The following CYBB variants were observed in gnomAD, a reference collection of about 807,000 sequenced individuals.
The protein encoded by CYBB is cytochrome b-245 beta chain.
A neutral mutation model predicts 46.5 loss-of-function variants in CYBB; 5 were observed. That is an observed-to-expected ratio of 0.11 (90% CI 0.06 to 0.23). The LOEUF (loss-of-function observed/expected upper bound fraction) is 0.23. CYBB is among the 10% of genes least tolerant of loss of function. The pLI is 1.00. For missense variants in CYBB, 307 were observed against 428.3 expected, an observed-to-expected ratio of 0.72 and a Z score of 2.50; for synonymous variants, 183 against 156.7, an observed-to-expected ratio of 1.17 and a Z score of -1.26.
rs1286933113 is a variant in CYBB at position 37,812,303 on chromosome X, T to G, written c.*1386T>G. The G allele has an allele frequency of 9.0e-6, 1 of 111,695 alleles. No individual in the cohort carries two copies. The highest frequency in any genetic ancestry group is 1.9e-5 in the Non-Finnish European group (1 of 53,087). The allele number at this position is 111,695 out of a possible 1,213,427, so 9.2% of individuals were successfully genotyped here. A position where few individuals can be genotyped will look rare whatever the true frequency, so the allele number is the denominator to read the frequency against. On this transcript the variant is annotated 3_prime_UTR_variant, in exon 13 of 13. Coordinates refer to ENST00000378588, the MANE Select transcript of CYBB (RefSeq NM_000397.4). ...TTCTGGGAACTAAAACCAGTTTTATTTGCCCCACCCCTTGGAGCCACAAAT... is the reference window on the plus strand; with the variant it reads ...TTCTGGGAACTAAAACCAGTTTTATGTGCCCCACCCCTTGGAGCCACAAAT...
At chrX:37,788,693 A>G (rs1043384635) in intron 3 of CYBB, among the ~76,000 whole-genome samples, 1 of 111,275 alleles carries the variant, frequency 9.0e-6, no homozygotes, top group Non-Finnish European at 1.9e-5. Context: ...GGGACCCAAC[A>G]TAGGTATATC....
intron 10 of CYBB, among the ~76,000 whole-genome samples, chrX:37,805,597 A>T (rs782458636): frequency 1.5e-4 from 17 of 111,947 alleles, no homozygotes; most frequent in Non-Finnish European, 3.0e-4. Flanking sequence ...CACAGGCTTT[A>T]TAATGATGAC....
At chrX:37,793,221 G>A (rs782229572) in intron 4 of CYBB, among the ~76,000 whole-genome samples, 1 of 108,143 alleles carries the variant, frequency 9.2e-6, no homozygotes, top group Non-Finnish European at 1.9e-5. Context: ...TCTCTCTGGA[G>A]GTAATTTCAG....
chrX:37,790,062 G>A (rs1929163044), intron 3 of CYBB, among the ~76,000 whole-genome samples: 1 of 111,848 alleles, frequency 8.9e-6, no homozygotes, highest in Admixed American at 9.5e-5. Context: ...GCAGTTGGTG[G>A]TTGAACACCC....
At chrX:37,796,177 T>A in intron 6 of CYBB, 36 bp downstream of exon 6, 1 of 1,119,566 alleles carries the variant, frequency 8.9e-7, no homozygotes, top group Non-Finnish European at 1.2e-6. Context: ...GGATTTCATG[T>A]CCCTCAATTT....
rs1929663728 is a variant in CYBB, at chrX:37,811,024, T to G, written c.*107T>G. The G allele has an allele frequency of 8.1e-6, 6 of 739,862 alleles. No individual in the cohort carries two copies. The highest frequency in any genetic ancestry group is 1.2e-5 in the Non-Finnish European group (6 of 499,914). 61.0% of individuals were successfully genotyped at this position (739,862 alleles called of 1,213,427 possible). On this transcript the variant is annotated 3_prime_UTR_variant, in exon 13 of 13. Coordinates refer to ENST00000378588, the MANE Select transcript of CYBB (RefSeq NM_000397.4). ...TGCTTAAAAATGGACAAAAAGAAAC[T>G]ATAATGTAATGGTTTTCCCTTAAAG... is the stretch of plus-strand genomic sequence containing the variant.
intron 6 of CYBB, among the ~76,000 whole-genome samples, chrX:37,798,641 C>T (rs1339422970): frequency 8.9e-6 from 1 of 112,093 alleles, no homozygotes; most frequent in Non-Finnish European, 1.9e-5. Context: ...AATTTTTCTG[C>T]TTTTGTTTGT....
At chrX:37,805,620 C>G (rs1309126339) in intron 10 of CYBB, among the ~76,000 whole-genome samples, 1 of 111,285 alleles carries the variant, frequency 9.0e-6, no homozygotes, top group Non-Finnish European at 1.9e-5. Context: ...TAAATGATCT[C>G]TTCATGTTCT....
Position 37,811,134 on chromosome X carries a change from A to AT in CYBB, c.*224dup, listed in dbSNP as rs1343090865. 8.9e-6 allele frequency: 3 copies of AT among 338,119 alleles called. No homozygotes were observed. The highest frequency in any genetic ancestry group is 6.0e-5 in the East Asian group (1 of 16,689). The allele number at this position is 338,119 out of a possible 1,213,427, so 27.9% of individuals were successfully genotyped here. On this transcript the variant is annotated 3_prime_UTR_variant, in exon 13 of 13. Transcript: ENST00000378588. ...AGAGCACTTTTACAAACATTATTTCATTTTTTTCCTCTCAGTAATGTCAGT... is the reference window on the plus strand; with the variant it reads ...AGAGCACTTTTACAAACATTATTTCATTTTTTTTCCTCTCAGTAATGTCAGT...
chrX:37,808,583 T>G (rs1929608635), intron 11 of CYBB, among the ~76,000 whole-genome samples: 1 of 112,386 alleles, frequency 8.9e-6, no homozygotes, highest in African/African-American at 3.2e-5. Flanking sequence ...TCTCCAAGTC[T>G]TAAAGGAATC....
chrX:37,785,246 T>G (rs1184560383), intron 3 of CYBB, among the ~76,000 whole-genome samples: 4 of 112,354 alleles, frequency 3.6e-5, no homozygotes, highest in Non-Finnish European at 7.5e-5. Context: ...TTTAAGATGT[T>G]CCAGAAAGAG....
At chrX:37,787,982 A>G (rs1556465889) in intron 3 of CYBB, among the ~76,000 whole-genome samples, 1 of 111,712 alleles carries the variant, frequency 9.0e-6, no homozygotes, top group Non-Finnish European at 1.9e-5. Context: ...TCCTTTCAAT[A>G]TAATATATGT....
At chrX:37,781,995 T>C (rs1928961279) in intron 1 of CYBB, 93 bp from the exon 2 acceptor site, 1 of 718,400 alleles carries the variant, frequency 1.4e-6, no homozygotes, top group East Asian at 3.2e-5. Flanking sequence ...AAAGTTGGAC[T>C]TGGGGAAGTC....
At position 37,795,889 on chromosome X, in the gene CYBB, CATGTGTGTGTGTGT is replaced by C. The variant is rs1228514492; in HGVS notation, c.484-61_484-48del. The C allele has an allele frequency of 2.5e-5, 17 of 689,541 alleles. No homozygotes were observed. In the African/African-American group the frequency reaches 2.7e-4, roughly 11 times the overall value. 56.8% of individuals were successfully genotyped at this position (689,541 alleles called of 1,213,427 possible). ...GAACCTATAATATTGTGCTTGCGCA[CATGTGTGTGTGTGT>C]GTGTGTGTGTGTGTGTGTGTGTGTG... On this transcript the variant is annotated intron_variant, in intron 5 of 12. Coordinates refer to ENST00000378588, the MANE Select transcript of CYBB (RefSeq NM_000397.4).
chrX:37,785,970 G>C (rs1479657001), intron 3 of CYBB, among the ~76,000 whole-genome samples: 2 of 111,448 alleles, frequency 1.8e-5, no homozygotes, highest in Non-Finnish European at 3.8e-5. Flanking sequence ...CTAAAGACAG[G>C]GATGAAATGA....
At chrX:37,807,497 T>C (rs1314919832) in intron 11 of CYBB, among the ~76,000 whole-genome samples, 1 of 110,180 alleles carries the variant, frequency 9.1e-6, no homozygotes, top group Non-Finnish European at 1.9e-5. Flanking sequence ...GTCACATAGA[T>C]TGTCTAATTT....
chrX:37,790,585 G>A (rs1929177742), intron 3 of CYBB, among the ~76,000 whole-genome samples: 1 of 111,205 alleles, frequency 9.0e-6, no homozygotes, highest in Non-Finnish European at 1.9e-5. Flanking sequence ...AATCCTCAGT[G>A]TCTTCCTTGC....
chrX:37,803,124 A>G (rs1457041755), intron 8 of CYBB, among the ~76,000 whole-genome samples: 1 of 111,605 alleles, frequency 9.0e-6, no homozygotes, highest in African/African-American at 3.3e-5. Flanking sequence ...AACGCATGGA[A>G]TCAGGCAGAT....
intron 11 of CYBB, among the ~76,000 whole-genome samples, chrX:37,806,858 GTC>G (rs1210324743): frequency 9.3e-6 from 1 of 107,062 alleles, no homozygotes; most frequent in Non-Finnish European, 1.9e-5. Flanking sequence ...CTTTCTCTCT[GTC>G]TCTCTCTCTG....
Sources: gnomAD v4.1 joint callset for allele counts (sites outside exome capture counted in the v4.1 genomes callset) on GRCh38, gnomAD v4.1.1 for gene constraint, MANE v1.5 for transcripts, NCBI Gene and HGNC (gene_info 2026-07-23, HGNC 2026-07-21) for gene names.